Variants in FNIP1 observed in about 807,000 individuals in gnomAD.
FNIP1 encodes the protein folliculin-interacting protein 1.
A neutral mutation model predicts 124.5 loss-of-function variants in FNIP1; 40 were observed. The ratio of observed to expected loss-of-function variants is 0.32; its 90% CI spans 0.25 to 0.42. The LOEUF is 0.42. Among genes scored for constraint, FNIP1 ranks in the 10% least tolerant of loss-of-function variants. The pLI, the probability that FNIP1 is intolerant of heterozygous loss-of-function variation, is 1.00. For synonymous variants in FNIP1, 472 were observed against 470.6 expected (o/e 1.00, Z -0.04); for missense variants, 1,176 against 1,403.7 (o/e 0.84, Z 2.59).
chr5:131,742,152 G>T (rs1040290527), intron 2 of FNIP1, among the ~76,000 whole-genome samples: 4 of 152,112 alleles, frequency 2.6e-5, no homozygotes, highest in Admixed American at 6.5e-5. Context: ...TTTTTAAAAA[G>T]AATGTTTTCA....
intron 1 of FNIP1, among the ~76,000 whole-genome samples, chr5:131,755,589 T>C (rs1771024170): frequency 6.6e-6 from 1 of 151,876 alleles, no homozygotes; most frequent in Non-Finnish European, 1.5e-5. Context: ...ACTAATAAAC[T>C]AGAATTTTAG....
rs1341719948 is a variant in FNIP1 at position 131,679,297 on chromosome 5, A to ATTCCT, written c.1203-123_1203-122insAGGAA. 644 of 650,288 alleles carry ATTCCT rather than the reference A, an allele frequency of 9.9e-4. 3 individuals are homozygous for ATTCCT. In the African/African-American group the frequency reaches 0.011, roughly 11 times the overall value. The allele number at this position is 650,288 out of a possible 1,614,324, so 40.3% of individuals were successfully genotyped here. A position where few individuals can be genotyped will look rare whatever the true frequency, so the allele number is the denominator to read the frequency against. On this transcript the variant is annotated intron_variant, in intron 11 of 17. Coordinates refer to ENST00000510461, the MANE Select transcript of FNIP1 (RefSeq NM_133372.3). Reference sequence around the variant, plus strand: ...CTAGATTATTAAAGCTTTTGAGGAAAGACAATGGACCAAGTCCTTCTTTCC... The same window carrying ATTCCT: ...CTAGATTATTAAAGCTTTTGAGGAAATTCCTGACAATGGACCAAGTCCTTCTTTCC...
intron 11 of FNIP1, among the ~76,000 whole-genome samples, chr5:131,690,016 C>T (rs1340257305): frequency 1.3e-5 from 2 of 151,926 alleles, no homozygotes; most frequent in Admixed American, 1.3e-4. Flanking sequence ...GTCAGGAGAT[C>T]GAGGCCATCC....
chr5:131,715,521 C>T (rs1769438322), intron 6 of FNIP1, among the ~76,000 whole-genome samples: 1 of 152,012 alleles, frequency 6.6e-6, no homozygotes, highest in Non-Finnish European at 1.5e-5. Context: ...CCCATAATTA[C>T]TTTCAACTTT....
chr5:131,685,024 A>C (rs925391102), intron 11 of FNIP1, among the ~76,000 whole-genome samples: 2 of 152,348 alleles, frequency 1.3e-5, no homozygotes, highest in Middle Eastern at 3.4e-3. Context: ...CTTGATTTCA[A>C]TAAATAAAAT....
At chr5:131,713,008 C>T (rs1769348204) in intron 6 of FNIP1, among the ~76,000 whole-genome samples, 1 of 151,974 alleles carries the variant, frequency 6.6e-6, no homozygotes, top group Non-Finnish European at 1.5e-5. Flanking sequence ...CCATGTAACA[C>T]ACTCTCTGTA....
intron 1 of FNIP1, among the ~76,000 whole-genome samples, chr5:131,767,452 A>AAAAAAAAAG (rs1771474380): frequency 2.0e-5 from 3 of 147,264 alleles, no homozygotes; most frequent in African/African-American, 7.8e-5. Context: ...AAAAAAAAAA[A>AAAAAAAAAG]AAAAGAAAAG....
chr5:131,680,916 G>A (rs2149519195), intron 11 of FNIP1, among the ~76,000 whole-genome samples: 1 of 152,286 alleles, frequency 6.6e-6, no homozygotes, highest in African/African-American at 2.4e-5. Context: ...GTATCACAGA[G>A]GGAGACATGG....
At position 131,716,653 on chromosome 5, in the gene FNIP1, T is replaced by C; in HGVS notation, c.534A>G (p.Leu178=). Residue 178 remains leucine (L), a synonymous_variant, in exon 6 of 18, where the codon CTA becomes CTG. Coordinates refer to ENST00000510461, the MANE Select transcript of FNIP1 (RefSeq NM_133372.3). The part of the protein sequence containing the change: ...GSSICGSLNT[L]QDSLEFINQD... ...GATTGATGAATTCAAGACTATCTTG[T>C]AGCCTATGGAGGGTGAGAAGAAAAT... 6.3e-7 allele frequency: 1 copy of C among 1,579,780 alleles called. No individual in the cohort carries two copies. Among genetic ancestry groups the C allele is most frequent in the Non-Finnish European group, 8.6e-7 (1 of 1,161,176 alleles).
chr5:131,673,758 G>C (rs1238117976), intron 13 of FNIP1, among the ~76,000 whole-genome samples: 1 of 152,116 alleles, frequency 6.6e-6, no homozygotes, highest in Admixed American at 6.6e-5. Context: ...CTCTGGGGCC[G>C]GGCACAGTGG....
At chr5:131,670,437 A>T in intron 15 of FNIP1, 26 bp downstream of exon 15, 1 of 1,519,180 alleles carries the variant, frequency 6.6e-7, no homozygotes. Flanking sequence ...TTCTAAATAA[A>T]CTCAAAAACA....
chr5:131,763,319 A>AC (rs1228588630), intron 1 of FNIP1, among the ~76,000 whole-genome samples: 3 of 151,004 alleles, frequency 2.0e-5, no homozygotes, highest in African/African-American at 7.3e-5. Flanking sequence ...ACACACACAC[A>AC]CACACACGAC....
At chr5:131,676,810 T>C (rs1450548323) in intron 13 of FNIP1, among the ~76,000 whole-genome samples, 1 of 151,986 alleles carries the variant, frequency 6.6e-6, no homozygotes, top group East Asian at 1.9e-4. Context: ...TGGAAGGGAA[T>C]GGGGGAGGGA....
At chr5:131,702,955 C>T (rs968135774) in intron 10 of FNIP1, among the ~76,000 whole-genome samples, 1 of 152,176 alleles carries the variant, frequency 6.6e-6, no homozygotes, top group African/African-American at 2.4e-5. Flanking sequence ...TCCTCTCTTG[C>T]CAATCTCCAT....
intron 1 of FNIP1, among the ~76,000 whole-genome samples, chr5:131,782,407 C>CAAAAAA (rs1772024659): frequency 6.6e-6 from 1 of 151,826 alleles, no homozygotes; most frequent in Non-Finnish European, 1.5e-5. Flanking sequence ...AAAACAAAAA[C>CAAAAAA]CAAACACGCA....
At chr5:131,767,512 C>CAAGA (rs1561697956) in intron 1 of FNIP1, among the ~76,000 whole-genome samples, 2 of 149,876 alleles carry the variant, frequency 1.3e-5, no homozygotes, top group African/African-American at 4.9e-5. Context: ...TCATTTTGTA[C>CAAGA]CAGTTTCTAT....
intron 3 of FNIP1, among the ~76,000 whole-genome samples, chr5:131,727,473 T>C (rs1296687987): frequency 6.6e-6 from 1 of 152,220 alleles, no homozygotes; most frequent in Non-Finnish European, 1.5e-5. Flanking sequence ...GTTTAAAGTC[T>C]GTTTTATCAA....
At chr5:131,737,554 C>T (rs1290739116) in intron 2 of FNIP1, among the ~76,000 whole-genome samples, 1 of 152,172 alleles carries the variant, frequency 6.6e-6, no homozygotes, top group Non-Finnish European at 1.5e-5. Flanking sequence ...TAAAATATCA[C>T]TTTCTTGATC....
At chr5:131,699,719 C>A (rs1768827633) in intron 10 of FNIP1, among the ~76,000 whole-genome samples, 1 of 151,242 alleles carries the variant, frequency 6.6e-6, no homozygotes, top group Non-Finnish European at 1.5e-5. Context: ...AAAATTTGCC[C>A]AGCCTGGCCA....
Sources: gnomAD v4.1 joint callset for allele counts (sites outside exome capture counted in the v4.1 genomes callset) on GRCh38, gnomAD v4.1.1 for gene constraint, MANE v1.5 for transcripts, NCBI Gene and HGNC (gene_info 2026-07-23, HGNC 2026-07-21) for gene names.